The following CCDC157 variants were observed in gnomAD, a reference collection of about 807,000 sequenced individuals.
CCDC157 encodes the protein coiled-coil domain-containing protein 157.
A neutral mutation model predicts 70.9 loss-of-function variants in CCDC157; 60 were observed. The observed-to-expected ratio is 0.85, with a 90% CI of 0.69 to 1.05. CCDC157 has a LOEUF of 1.05. Among genes scored for constraint, CCDC157 ranks in the 50% least tolerant of loss-of-function variants. CCDC157 has a pLI of 0.00. For synonymous variants in CCDC157, 373 were observed against 422.4 expected (o/e 0.88, Z 1.43); for missense variants, 943 against 984.2 (o/e 0.96, Z 0.56).
rs1933286222 is a variant in CCDC157 at position 30,375,504 on chromosome 22, C to G, written c.1698C>G (p.Ser566=). ...IHGGRSSSVE[S]QITCPTDSGN... Reference sequence around the variant, plus strand: ...GAGGCAGATCCAGCAGCGTGGAATCCCAGATAACATGTCCCACAGACTCTG... The same window carrying G: ...GAGGCAGATCCAGCAGCGTGGAATCGCAGATAACATGTCCCACAGACTCTG... The change falls in exon 10 of 12, where the codon TCC becomes TCG. Residue 566 remains serine (S), a synonymous_variant. Transcript: ENST00000338306. 5 of 1,614,180 alleles carry G rather than the reference C, an allele frequency of 3.1e-6. No homozygotes were observed. The highest frequency in any genetic ancestry group is 4.2e-6 in the Non-Finnish European group (5 of 1,180,016).
intron 1 of CCDC157, among the ~76,000 whole-genome samples, chr22:30,357,973 G>C (rs1932041066): frequency 6.6e-6 from 1 of 152,134 alleles, no homozygotes; most frequent in South Asian, 2.1e-4. Flanking sequence ...TGCTGCTTTA[G>C]GCTTCACCCC....
At chr22:30,367,940 A>C (rs1340382604) in intron 3 of CCDC157, among the ~76,000 whole-genome samples, 1 of 152,060 alleles carries the variant, frequency 6.6e-6, no homozygotes, top group Admixed American at 6.6e-5. Context: ...AGTCCCAGCT[A>C]CTCTGGAGGC....
intron 9 of CCDC157, 107 bp downstream of exon 9, chr22:30,374,198 G>A (rs1933170757): frequency 7.3e-7 from 1 of 1,377,034 alleles, no homozygotes; most frequent in Non-Finnish European, 9.9e-7. Flanking sequence ...CCTGCAGCAA[G>A]GGTGTTAAAG....
Position 30,370,784 on chromosome 22 carries a change from C to G in CCDC157, c.879C>G (p.Leu293=). Residue 293 remains leucine, a synonymous_variant, in exon 5 of 12, where the codon CTC becomes CTG. Transcript: ENST00000338306. ...GCCTCAGTAAGCATGTGGAGGCCCTCAGGGCCCAGCTGGAGGAGGCTGAAG... is the reference window on the plus strand; with the variant it reads ...GCCTCAGTAAGCATGTGGAGGCCCTGAGGGCCCAGCTGGAGGAGGCTGAAG... ...LTRLSKHVEA[L]RAQLEEAEGQ... 1 of 1,613,518 alleles carries G rather than the reference C, an allele frequency of 6.2e-7. No individual in the cohort carries two copies. Among genetic ancestry groups the G allele is most frequent in the Non-Finnish European group, 8.5e-7 (1 of 1,180,012 alleles).
upstream of CCDC157, chr22:30,356,719 G>A: frequency 1.3e-6 from 2 of 1,487,460 alleles, no homozygotes; most frequent in South Asian, 1.3e-5. Flanking sequence ...TGAGGGGCGG[G>A]GGAGAGGTAC....
intron 3 of CCDC157, 152 bp downstream of exon 3, chr22:30,366,400 T>G: frequency 1.2e-6 from 1 of 867,402 alleles, no homozygotes; most frequent in Non-Finnish European, 1.8e-6. Flanking sequence ...CTCAGGACTT[T>G]CAAAGTGGTC....
rs945910650 is a variant in CCDC157 at position 30,378,287 on chromosome 22, A to G, written c.*1542A>G. ...AGGCTCACACTCAAATACTTTCCCT[A>G]TCTTCAGGTCAGCTTGCTATAAGAC... On this transcript the variant is annotated 3_prime_UTR_variant, in exon 12 of 12. Coordinates refer to ENST00000338306, the MANE Select transcript of CCDC157 (RefSeq NM_001017437.5). The G allele has an allele frequency of 2.5e-5, 10 of 395,172 alleles. No individual in the cohort carries two copies. Among genetic ancestry groups the G allele is most frequent in the East Asian group, 7.4e-5 (1 of 13,582 alleles). The allele number at this position is 395,172 out of a possible 1,614,324, so 24.5% of individuals were successfully genotyped here.
upstream of CCDC157, chr22:30,356,851 G>T: frequency 7.9e-7 from 1 of 1,263,888 alleles, no homozygotes; most frequent in Non-Finnish European, 1.0e-6. Context: ...GCCGCCTCAA[G>T]ACAGCCTCCC....
At chr22:30,375,253 G>A (rs528517657) in intron 9 of CCDC157, 16 of 489,420 alleles carry the variant, frequency 3.3e-5, no homozygotes, top group South Asian at 9.8e-5. Context: ...CACCGCGCCC[G>A]GCCTTGCTAA....
rs778412227 is a variant in CCDC157 at position 30,370,904 on chromosome 22, G to C, written c.999G>C (p.Glu333Asp). The change falls in exon 5 of 12, where the codon GAG becomes GAC. Residue 333 changes from glutamate to aspartate, a missense_variant. By Grantham distance (45) the Glu-to-Asp change is conservative. Transcript: ENST00000338306. Reference sequence around the variant, plus strand: ...GGCGGCGACAGGCGGAGGAGGATGAGCAGTGCCTGTCTGAGTGGGAGCACG... The same window carrying C: ...GGCGGCGACAGGCGGAGGAGGATGACCAGTGCCTGTCTGAGTGGGAGCACG... ...GARRRQAEED[E>D]QCLSEWEHDK... 6.2e-7 allele frequency: 1 copy of C among 1,610,908 alleles called. No individual in the cohort carries two copies. The highest frequency in any genetic ancestry group is 8.5e-7 in the Non-Finnish European group (1 of 1,179,802).
At chr22:30,356,935 C>G, upstream of CCDC157, 1 of 663,794 alleles carries the variant, frequency 1.5e-6, no homozygotes, top group Non-Finnish European at 2.2e-6. Flanking sequence ...ACGACTGGCG[C>G]ACTTCCGGGA....
At chr22:30,371,400 C>T in intron 5 of CCDC157, 2 of 551,998 alleles carry the variant, frequency 3.6e-6, no homozygotes, top group Middle Eastern at 4.8e-4. Context: ...CTTTCTGAGC[C>T]TCATCACAGT....
At position 30,378,233 on chromosome 22, in the gene CCDC157, A is replaced by G. The variant is rs546502032; in HGVS notation, c.*1488A>G. 1.2e-4 allele frequency: 57 copies of G among 466,732 alleles called. 1 individual carries two copies. Among genetic ancestry groups the G allele is most frequent in the South Asian group, 8.3e-4 (53 of 64,194 alleles). The allele number at this position is 466,732 out of a possible 1,614,324, so 28.9% of individuals were successfully genotyped here. On this transcript the variant is annotated 3_prime_UTR_variant, in exon 12 of 12. Transcript: ENST00000338306. Reference sequence around the variant, plus strand: ...CCTCCTCTTCTACCAGCAGAAAACTACTTTGAATAGGCTCATGTGGTTAGG... The same window carrying G: ...CCTCCTCTTCTACCAGCAGAAAACTGCTTTGAATAGGCTCATGTGGTTAGG...
chr22:30,369,317 C>A, intron 3 of CCDC157, 115 bp from the exon 4 acceptor site: 1 of 953,464 alleles, frequency 1.0e-6, no homozygotes, highest in Non-Finnish European at 1.4e-6. Flanking sequence ...TATTCTGAGA[C>A]TCTCCAAGCT....
intron 6 of CCDC157, 35 bp downstream of exon 6, chr22:30,371,762 CTCAAG>C: frequency 1.3e-6 from 2 of 1,546,414 alleles, no homozygotes; most frequent in Non-Finnish European, 1.8e-6. Flanking sequence ...CATGCCACAT[CTCAAG>C]CCAGGGGTGT....
intron 1 of CCDC157, among the ~76,000 whole-genome samples, chr22:30,360,371 G>A (rs1161734839): frequency 6.6e-6 from 1 of 151,732 alleles, no homozygotes; most frequent in East Asian, 1.9e-4. Context: ...TGGGTGTTGT[G>A]GCGGGCGCCT....
intron 6 of CCDC157, 88 bp downstream of exon 6, chr22:30,371,815 T>C (rs1569190331): frequency 8.1e-7 from 1 of 1,228,028 alleles, no homozygotes. Flanking sequence ...CCCCTGAGCA[T>C]CCAGGGCAAA....
chr22:30,374,329 C>T, intron 9 of CCDC157: 1 of 638,156 alleles, frequency 1.6e-6, no homozygotes, highest in Non-Finnish European at 2.9e-6. Flanking sequence ...CCTCTAGTCA[C>T]AACAGCCAAA....
intron 1 of CCDC157, among the ~76,000 whole-genome samples, chr22:30,360,504 CA>C (rs35535032): frequency 1.4e-3 from 185 of 129,870 alleles, no homozygotes; most frequent in East Asian, 2.7e-3. Context: ...GACTCCGTCT[CA>C]AAAAAAAAAA....
Sources: allele counts gnomAD v4.1 joint callset (sites outside exome capture counted in the v4.1 genomes callset), GRCh38; gene constraint gnomAD v4.1.1; transcripts MANE v1.5; gene names NCBI Gene and HGNC (gene_info 2026-07-23, HGNC 2026-07-21).